CHRNB4: variants seen among roughly 807,000 people sequenced by gnomAD.
CHRNB4 encodes the protein neuronal acetylcholine receptor subunit beta-4.
CHRNB4 carries 23 observed loss-of-function variants against 40.4 expected under a neutral mutation model. That is an observed-to-expected ratio of 0.57 (90% CI 0.41 to 0.81). The LOEUF (loss-of-function observed/expected upper bound fraction) is 0.81. Among genes scored for constraint, CHRNB4 ranks in the 30% least tolerant of loss-of-function variants. CHRNB4 has a pLI of 0.00. For synonymous variants in CHRNB4, 285 were observed against 274.4 expected (o/e 1.04, Z -0.38); for missense variants, 568 against 670.6 (o/e 0.85, Z 1.69).
chr15:78,646,973 T>C (rs2054127791), intron 7 of CHRNB4, among the ~76,000 whole-genome samples: 1 of 151,956 alleles, frequency 6.6e-6, no homozygotes, highest in Non-Finnish European at 1.5e-5. Flanking sequence ...AGACCCCATC[T>C]CCTCTCTCTA....
At chr15:78,648,385 TTGC>T (rs2054143877) in intron 7 of CHRNB4, among the ~76,000 whole-genome samples, 3 of 136,858 alleles carry the variant, frequency 2.2e-5, no homozygotes, top group Admixed American at 7.2e-5. Flanking sequence ...AGAGCGAGAC[TTGC>T]CTCAAAAAAA....
chr15:78,655,712 C>T (rs2054208631), intron 4 of CHRNB4: 1 of 151,858 alleles, frequency 6.6e-6, no homozygotes, highest in South Asian at 2.1e-4. Flanking sequence ...TAGGTCCTGT[C>T]CATTTTCATA....
chr15:78,631,002 C>G (rs2053794064), intron 4 of CHRNB4, 74 bp downstream of exon 4: 1 of 1,204,306 alleles, frequency 8.3e-7, no homozygotes, highest in African/African-American at 1.5e-5. Flanking sequence ...GGACTCAGGC[C>G]TGGATGACTC....
upstream of CHRNB4, among the ~76,000 whole-genome samples, chr15:78,641,688 A>G (rs1319235277): frequency 6.6e-6 from 1 of 152,188 alleles, no homozygotes; most frequent in Non-Finnish European, 1.5e-5. Context: ...CACTTAGGAA[A>G]AGTGAGTGGA....
chr15:78,659,484 G>C (rs893931049), intron 1 of CHRNB4, among the ~76,000 whole-genome samples: 2 of 152,142 alleles, frequency 1.3e-5, no homozygotes, highest in Admixed American at 6.5e-5. Context: ...GGTGGTGAAG[G>C]CTCTAGAGAA....
At chr15:78,627,355 C>T (rs1013734490) in intron 5 of CHRNB4, 2 of 152,200 alleles carry the variant, frequency 1.3e-5, no homozygotes, top group African/African-American at 2.4e-5. Context: ...TCTGCATTTC[C>T]GATAAGCTCG....
chr15:78,640,670 A>G (rs945364714), intron 1 of CHRNB4, among the ~76,000 whole-genome samples: 22 of 152,194 alleles, frequency 1.4e-4, no homozygotes, highest in African/African-American at 5.1e-4. Flanking sequence ...CCACGCTTCA[A>G]GAAAGTCACC....
At chr15:78,642,705 A>G (rs2054091708), upstream of CHRNB4, among the ~76,000 whole-genome samples, 1 of 152,248 alleles carries the variant, frequency 6.6e-6, no homozygotes, top group Admixed American at 6.5e-5. Flanking sequence ...ACGATGAAAT[A>G]GGTTTTTATA....
At chr15:78,636,725 A>G (rs1237351516) in intron 1 of CHRNB4, among the ~76,000 whole-genome samples, 1 of 151,924 alleles carries the variant, frequency 6.6e-6, no homozygotes, top group Non-Finnish European at 1.5e-5. Flanking sequence ...CTGGGACTAC[A>G]GGTGTGCACC....
intron 1 of CHRNB4, among the ~76,000 whole-genome samples, chr15:78,637,776 G>C (rs934632479): frequency 6.6e-6 from 1 of 152,198 alleles, no homozygotes; most frequent in Non-Finnish European, 1.5e-5. Flanking sequence ...GCAATATTTA[G>C]TGCCTTGTGA....
chr15:78,647,664 G>A (rs1311103733), intron 7 of CHRNB4, among the ~76,000 whole-genome samples: 19 of 144,892 alleles, frequency 1.3e-4, no homozygotes, highest in Admixed American at 1.4e-4. Context: ...GGCTAACATG[G>A]TGAAACCCCG....
At chr15:78,631,481 C>G in intron 2 of CHRNB4, 149 bp from the exon 3 acceptor site, 1 of 698,372 alleles carries the variant, frequency 1.4e-6, no homozygotes. Context: ...GCATGTCACA[C>G]TCAGCATGTT....
chr15:78,629,871 G>A lies in CHRNB4; in HGVS notation c.434C>T (p.Pro145Leu), dbSNP rs1239345113. 6.2e-7 allele frequency: 1 copy of A among 1,613,598 alleles called. No homozygotes were observed. The highest frequency in any genetic ancestry group is 1.6e-4 in the Middle Eastern group (1 of 6,062). The part of the protein sequence containing the change: ...VRSNGSVLWL[P>L]PAIYKSACKI... ...GCAGGCGCTCTTGTAGATGGCAGGGGGCAGCCACAGGACGCTGCCGTTGGA... is the reference window on the plus strand; with the variant it reads ...GCAGGCGCTCTTGTAGATGGCAGGGAGCAGCCACAGGACGCTGCCGTTGGA... Residue 145 changes from proline to leucine, a missense_variant, in exon 5 of 6, where the codon CCC becomes CTC. By Grantham distance (98) the Pro-to-Leu change is moderately conservative. Transcript: ENST00000261751. The surrounding 1 kb of genome is among the most constrained non-coding windows in gnomAD (Gnocchi z 6.8).
rs2053725473 is a variant in CHRNB4, at chr15:78,628,978, C to T, written c.1327G>A (p.Glu443Lys). The change falls in exon 5 of 6, where the codon GAA becomes AAA. Residue 443 changes from glutamate to lysine, a missense_variant. This residue lies in a region of CHRNB4 where 242 missense variants were observed against 274.9 expected (regional missense o/e 0.88). Coordinates refer to ENST00000261751, the MANE Select transcript of CHRNB4 (RefSeq NM_000750.5). ...GGTTAGCAACTTACACTCTGGTCTT[C>T]ATCGTCATTCTTCATGTGCTGGGCG... ...FIAQHMKNDD[E>K]DQSVVEDWKY... 1.2e-6 allele frequency: 2 copies of T among 1,611,964 alleles called. No homozygotes were observed. The highest frequency in any genetic ancestry group is 2.7e-5 in the African/African-American group (2 of 75,002).
intron 5 of CHRNB4, among the ~76,000 whole-genome samples, chr15:78,652,826 C>A (rs2054184424): frequency 6.6e-6 from 1 of 152,166 alleles, no homozygotes; most frequent in African/African-American, 2.4e-5. Flanking sequence ...GTGGGTAGAG[C>A]ATGTCGCAGT....
chr15:78,634,450 G>C (rs766884333), intron 2 of CHRNB4, among the ~76,000 whole-genome samples: 1 of 152,248 alleles, frequency 6.6e-6, no homozygotes, highest in Non-Finnish European at 1.5e-5. Flanking sequence ...GAGAGGGGCA[G>C]AGAGTACACA....
chr15:78,653,749 C>T (rs1196691413), intron 5 of CHRNB4, among the ~76,000 whole-genome samples: 1 of 152,204 alleles, frequency 6.6e-6, no homozygotes, highest in Non-Finnish European at 1.5e-5. Flanking sequence ...TCAACTCAAA[C>T]TCCAAGTCCT....
intron 2 of CHRNB4, among the ~76,000 whole-genome samples, 168 bp downstream of exon 2, chr15:78,635,271 T>C (rs541786065): frequency 1.1e-4 from 17 of 152,324 alleles, no homozygotes; most frequent in African/African-American, 3.6e-4. Context: ...CTTCATTAAA[T>C]ATTGGACACC....
chr15:78,647,378 CA>C (rs1455529275), intron 7 of CHRNB4, among the ~76,000 whole-genome samples: 3 of 150,886 alleles, frequency 2.0e-5, no homozygotes, highest in Non-Finnish European at 3.0e-5. Context: ...GTCAACCAAC[CA>C]AAAGAAAAGT....
Sources: gnomAD v4.1 joint callset for allele counts (sites outside exome capture counted in the v4.1 genomes callset) on GRCh38, gnomAD v4.1.1 for gene constraint, gnomAD v4.1.1 regional missense constraint, Gnocchi (gnomAD v3.1) non-coding constraint, MANE v1.5 for transcripts, NCBI Gene and HGNC (gene_info 2026-07-23, HGNC 2026-07-21) for gene names.